The following NAA25 variants were observed in gnomAD, a reference collection of about 807,000 sequenced individuals.
NAA25 encodes the protein N-alpha-acetyltransferase 25, NatB auxiliary subunit.
In NAA25, 30 loss-of-function variants were observed where a neutral mutation model predicts 132.5. That is an observed-to-expected ratio of 0.23 (90% CI 0.17 to 0.31). NAA25 has a LOEUF of 0.31. Ranked by LOEUF, NAA25 falls within the 10% of genes least tolerant of loss-of-function variation. The pLI is 1.00. For synonymous variants in NAA25, 359 were observed against 401.9 expected, an observed-to-expected ratio of 0.89 and a Z score of 1.28; for missense variants, 771 against 1,150.4, an observed-to-expected ratio of 0.67 and a Z score of 4.77.
chr12:112,038,930 G>C (rs2078264509), intron 22 of NAA25, among the ~76,000 whole-genome samples: 1 of 152,176 alleles, frequency 6.6e-6, no homozygotes, highest in African/African-American at 2.4e-5. Context: ...AGTGAGCCAA[G>C]ATAGTGCCAC....
chr12:112,062,928 T>C (rs2078659022), intron 11 of NAA25, among the ~76,000 whole-genome samples: 1 of 151,684 alleles, frequency 6.6e-6, no homozygotes, highest in African/African-American at 2.4e-5. Flanking sequence ...GGCATGGTAG[T>C]GCACGCCTGT....
chr12:112,080,995 C>A, intron 5 of NAA25, 65 bp downstream of exon 5: 1 of 1,355,650 alleles, frequency 7.4e-7, no homozygotes, highest in Admixed American at 1.7e-5. Context: ...AGAAGACACA[C>A]TGAGGACAAT....
chr12:112,090,481 G>C, intron 3 of NAA25: 1 of 353,522 alleles, frequency 2.8e-6, no homozygotes, highest in South Asian at 8.6e-5. Context: ...AAATAAGGGT[G>C]AAGCCTCCAT....
At chr12:112,076,933 C>A (rs2078902484) in intron 7 of NAA25, among the ~76,000 whole-genome samples, 1 of 152,012 alleles carries the variant, frequency 6.6e-6, no homozygotes, top group Admixed American at 6.6e-5. Context: ...GAGATCAAGG[C>A]TGCAGTGAGC....
chr12:112,086,282 G>A (rs1026790806), intron 4 of NAA25, among the ~76,000 whole-genome samples: 2 of 151,320 alleles, frequency 1.3e-5, no homozygotes, highest in African/African-American at 4.9e-5. Flanking sequence ...GATCACTTGA[G>A]GTGAGGAATT....
At chr12:112,099,934 T>C (rs12422941) in intron 1 of NAA25, among the ~76,000 whole-genome samples, 15,164 of 152,254 alleles carry the variant, frequency 0.1, 849 homozygotes, top group East Asian at 0.23. Flanking sequence ...CCACAACTTA[T>C]AAAAACGCTA....
rs1195353109 is a variant in NAA25, at chr12:112,090,713, G to C, written c.283+13C>G. ...AGCTCAAGTTTAAAAACAATGAAAAGAAAGAAACATACGTCGGTGCATCTC... is the reference window on the plus strand; with the variant it reads ...AGCTCAAGTTTAAAAACAATGAAAACAAAGAAACATACGTCGGTGCATCTC... On this transcript the variant is annotated intron_variant, in intron 3 of 23. Coordinates refer to ENST00000261745, the MANE Select transcript of NAA25 (RefSeq NM_024953.4). The C allele has an allele frequency of 1.3e-6, 2 of 1,595,838 alleles. No homozygotes were observed. The highest frequency in any genetic ancestry group is 1.7e-6 in the Non-Finnish European group (2 of 1,175,358).
chr12:112,070,993 C>T (rs186119365), intron 10 of NAA25, among the ~76,000 whole-genome samples: 19 of 152,324 alleles, frequency 1.2e-4, no homozygotes, highest in African/African-American at 4.1e-4. Flanking sequence ...GTGATCCGCC[C>T]GCCTTGGCCT....
intron 13 of NAA25, among the ~76,000 whole-genome samples, chr12:112,056,971 C>T (rs112902257): frequency 1.3e-5 from 2 of 152,042 alleles, no homozygotes; most frequent in Non-Finnish European, 2.9e-5. Context: ...GGGCGGATCA[C>T]GAGGTCAGGA....
chr12:112,090,889 GTT>G, intron 2 of NAA25, 25 bp from the exon 3 acceptor site: 1 of 1,581,212 alleles, frequency 6.3e-7, no homozygotes, highest in Non-Finnish European at 8.6e-7. Context: ...AGAAAAATCA[GTT>G]TTTAAAAAGA....
At chr12:112,099,944 A>G (rs2079268378) in intron 1 of NAA25, among the ~76,000 whole-genome samples, 1 of 152,212 alleles carries the variant, frequency 6.6e-6, no homozygotes, top group Non-Finnish European at 1.5e-5. Context: ...TAAAAACGCT[A>G]AATAGAAGAG....
At chr12:112,090,999 G>A (rs112674668) in intron 2 of NAA25, 135 bp from the exon 3 acceptor site, 103 of 798,690 alleles carry the variant, frequency 1.3e-4, no homozygotes, top group East Asian at 1.1e-3. Flanking sequence ...TGGGTGCGGC[G>A]GCTCACATCT....
At chr12:112,075,641 C>T in intron 8 of NAA25, 37 bp downstream of exon 8, 1 of 1,551,966 alleles carries the variant, frequency 6.4e-7, no homozygotes, top group Non-Finnish European at 8.9e-7. Context: ...TAAAGCCTCA[C>T]TACAGTCAAA....
chr12:112,067,418 A>G (rs1240736296), intron 11 of NAA25, among the ~76,000 whole-genome samples: 1 of 152,208 alleles, frequency 6.6e-6, no homozygotes, highest in Non-Finnish European at 1.5e-5. Context: ...GTTCTATTTT[A>G]TAGAATAAAG....
intron 10 of NAA25, chr12:112,069,283 T>A (rs374466050): frequency 1.4e-4 from 37 of 261,464 alleles, no homozygotes; most frequent in African/African-American, 8.1e-4. Flanking sequence ...AGGCGGGCAA[T>A]CCCTTGAAGT....
intron 21 of NAA25, 137 bp from the exon 22 acceptor site, chr12:112,039,476 C>A: frequency 1.8e-6 from 1 of 567,370 alleles, no homozygotes; most frequent in Non-Finnish European, 3.1e-6. Flanking sequence ...TGAATCTCCA[C>A]TCTACTTTCT....
chr12:112,041,912 T>G (rs1197286082), intron 20 of NAA25, 127 bp downstream of exon 20: 1 of 574,504 alleles, frequency 1.7e-6, no homozygotes, highest in African/African-American at 2.0e-5. Context: ...CTAGGAGTAT[T>G]GACTCCAAAG....
chr12:112,084,909 C>A (rs1172369039), intron 4 of NAA25, among the ~76,000 whole-genome samples: 1 of 151,572 alleles, frequency 6.6e-6, no homozygotes, highest in African/African-American at 2.4e-5. Context: ...CCAGCCCGGC[C>A]AACATGGTGA....
At chr12:112,041,962 G>T in intron 20 of NAA25, 77 bp downstream of exon 20, 2 of 844,228 alleles carry the variant, frequency 2.4e-6, no homozygotes, top group Non-Finnish European at 3.6e-6. Flanking sequence ...ATTGGGCTTG[G>T]GAATAGGGGA....
Sources: allele counts gnomAD v4.1 joint callset (sites outside exome capture counted in the v4.1 genomes callset), GRCh38; gene constraint gnomAD v4.1.1; transcripts MANE v1.5; gene names NCBI Gene and HGNC (gene_info 2026-07-23, HGNC 2026-07-21).